The following OSBPL6 variants were observed in gnomAD, a reference collection of about 807,000 sequenced individuals.
The protein encoded by OSBPL6 is oxysterol binding protein like 6, also known as oxysterol-binding protein-related protein 6.
In OSBPL6, 49 loss-of-function variants were observed where a neutral mutation model predicts 125.8. The observed-to-expected ratio is 0.39, with a 90% CI of 0.31 to 0.49. The LOEUF is 0.49. Among genes scored for constraint, OSBPL6 ranks in the 20% least tolerant of loss-of-function variants. The probability of loss-of-function intolerance (pLI) is 0.88; values close to 1 mark genes in which losing one functional copy is unlikely to be tolerated. For synonymous variants in OSBPL6, 394 were observed against 391.8 expected (o/e 1.01, Z -0.07); for missense variants, 986 against 1,135.4 (o/e 0.87, Z 1.89).
intron 1 of OSBPL6, among the ~76,000 whole-genome samples, chr2:178,195,613 A>G (rs1003232600): frequency 2.0e-5 from 3 of 152,262 alleles, no homozygotes; most frequent in East Asian, 3.8e-4. Flanking sequence ...TTGCTTAAAC[A>G]TAGAGACCTA....
intron 2 of OSBPL6, among the ~76,000 whole-genome samples, chr2:178,298,576 A>G (rs1172909254): frequency 7.2e-5 from 11 of 152,170 alleles, no homozygotes; most frequent in African/African-American, 4.8e-5. Flanking sequence ...GGCAAGTACC[A>G]TCACATTCAG....
intron 1 of OSBPL6, among the ~76,000 whole-genome samples, chr2:178,256,675 C>G (rs2091897133): frequency 6.6e-6 from 1 of 152,160 alleles, no homozygotes; most frequent in Admixed American, 6.5e-5. Context: ...TGGAGCACGG[C>G]AAGTAGGCAC....
At chr2:178,205,117 AC>A (rs1175343405) in intron 1 of OSBPL6, among the ~76,000 whole-genome samples, 1 of 151,972 alleles carries the variant, frequency 6.6e-6, no homozygotes, top group Non-Finnish European at 1.5e-5. Context: ...CAGATTTCAA[AC>A]CCAGTTTCCT....
chr2:178,306,600 A>G (rs1686785549), intron 3 of OSBPL6, among the ~76,000 whole-genome samples: 1 of 152,178 alleles, frequency 6.6e-6, no homozygotes, highest in African/African-American at 2.4e-5. Context: ...CTCTTCGTTC[A>G]TGGAGGTGGA....
At chr2:178,239,597 TTTA>T (rs2091204126) in intron 1 of OSBPL6, among the ~76,000 whole-genome samples, 14 of 29,970 alleles carry the variant, frequency 4.7e-4, no homozygotes, top group African/African-American at 1.6e-3. Flanking sequence ...CTTTATTTTA[TTTA>T]TTTATTTATT....
chr2:178,364,537 C>T (rs1692635187), intron 13 of OSBPL6, among the ~76,000 whole-genome samples: 3 of 152,116 alleles, frequency 2.0e-5, no homozygotes. Context: ...ATCAGCATGG[C>T]TTGGAGATCA....
intron 1 of OSBPL6, among the ~76,000 whole-genome samples, chr2:178,262,417 T>C (rs947153987): frequency 3.9e-5 from 6 of 152,158 alleles, no homozygotes; most frequent in Admixed American, 6.6e-5. Context: ...AAAATGCAAA[T>C]TTACCAGTAT....
chr2:178,271,009 G>A (rs1163509788), intron 1 of OSBPL6, among the ~76,000 whole-genome samples: 1 of 152,066 alleles, frequency 6.6e-6, no homozygotes, highest in Admixed American at 6.6e-5. Context: ...GTTTAACTCC[G>A]AAACCATGTT....
intron 11 of OSBPL6, among the ~76,000 whole-genome samples, chr2:178,343,963 A>G (rs1025651967): frequency 1.3e-5 from 2 of 152,192 alleles, no homozygotes; most frequent in Admixed American, 6.5e-5. Flanking sequence ...TTGACTTCAT[A>G]TAACATGATA....
intron 1 of OSBPL6, among the ~76,000 whole-genome samples, chr2:178,209,491 G>A (rs1354920305): frequency 1.6e-5 from 2 of 126,478 alleles, no homozygotes; most frequent in Admixed American, 1.8e-4. Context: ...GGATGATGCA[G>A]TATCTTCTGT....
chr2:178,319,461 A>C (rs1688049143), intron 3 of OSBPL6, among the ~76,000 whole-genome samples: 1 of 152,206 alleles, frequency 6.6e-6, no homozygotes, highest in Admixed American at 6.5e-5. Context: ...ATTAGCTTTC[A>C]TGTTAATTCA....
chr2:178,361,514 A>G (rs1692353885), intron 12 of OSBPL6, among the ~76,000 whole-genome samples, 168 bp from the exon 13 acceptor site: 1 of 152,242 alleles, frequency 6.6e-6, no homozygotes, highest in Non-Finnish European at 1.5e-5. Flanking sequence ...TGTGTGGAGT[A>G]TAGATATCCT....
At chr2:178,300,548 C>T (rs1413227066) in intron 2 of OSBPL6, among the ~76,000 whole-genome samples, 1 of 152,230 alleles carries the variant, frequency 6.6e-6, no homozygotes, top group Admixed American at 6.5e-5. Context: ...GCAACCTCTA[C>T]CTCCTGGGTT....
chr2:178,274,901 T>C lies in OSBPL6; in HGVS notation c.-350-10026T>C, dbSNP rs78239397. Among the ~76,000 whole-genome samples the C allele has an allele frequency of 3.1e-3, 471 of 152,256 alleles. 20 individuals carry two copies. In the East Asian group the frequency reaches 0.082, roughly 27 times the overall value. On this transcript the variant is annotated intron_variant, in intron 1 of 24. Transcript: ENST00000190611. ...AAATTGTCCTCTAGGACCATGATTT[T>C]TTTTTTTTAAATGAAAGACACAGAA... is the stretch of plus-strand genomic sequence containing the variant.
intron 1 of OSBPL6, among the ~76,000 whole-genome samples, chr2:178,283,386 A>T (rs1000793888): frequency 2.2e-5 from 3 of 139,062 alleles, no homozygotes; most frequent in African/African-American, 7.6e-5. Flanking sequence ...CTCAATAAGT[A>T]AAAAAAAAAA....
chr2:178,306,122 T>C lies in OSBPL6; in HGVS notation c.-63T>C, dbSNP rs1686736741. 3.0e-6 allele frequency: 3 copies of C among 1,007,084 alleles called. No homozygotes were observed. In the East Asian group the frequency reaches 7.3e-5, roughly 24 times the overall value. The allele number at this position is 1,007,084 out of a possible 1,614,324, so 62.4% of individuals were successfully genotyped here. ...GCTGAAAAATCATCTACTTCTTTGT[T>C]TGTGGATTTGAGAGAAGATTGGGAT... is the stretch of plus-strand genomic sequence containing the variant. On this transcript the variant is annotated 5_prime_UTR_variant, in exon 3 of 25. Transcript: ENST00000190611.
intron 1 of OSBPL6, among the ~76,000 whole-genome samples, chr2:178,224,179 G>A (rs953770541): frequency 6.6e-6 from 1 of 152,190 alleles, no homozygotes; most frequent in Non-Finnish European, 1.5e-5. Context: ...TAAAGGAAAG[G>A]GGGATCAAGA....
Position 178,253,589 on chromosome 2 carries a change from A to G in OSBPL6, c.-350-31338A>G, listed in dbSNP as rs553204841. On this transcript the variant is annotated intron_variant, in intron 1 of 24. Coordinates refer to ENST00000190611, the MANE Select transcript of OSBPL6 (RefSeq NM_032523.4). The stretch of plus-strand genomic sequence containing the variant: ...AAATGGTTCTTATCCTAGTAATATC[A>G]TTATGCTCATTCTCATATTTTGCTG... Among the ~76,000 whole-genome samples, 3 of 152,308 alleles carry G rather than the reference A, an allele frequency of 2.0e-5. No individual in the cohort carries two copies. The East Asian group carries it at 5.8e-4, about 29-fold the overall frequency.
intron 1 of OSBPL6, among the ~76,000 whole-genome samples, chr2:178,195,934 T>C (rs1462871447): frequency 6.6e-6 from 1 of 152,210 alleles, no homozygotes; most frequent in East Asian, 1.9e-4. Flanking sequence ...AAATTTCCCA[T>C]CTTAATACAT....
Sources: gnomAD v4.1 joint callset for allele counts (sites outside exome capture counted in the v4.1 genomes callset) on GRCh38, gnomAD v4.1.1 for gene constraint, MANE v1.5 for transcripts, NCBI Gene and HGNC (gene_info 2026-07-23, HGNC 2026-07-21) for gene names.